Variants in GRHPR observed in about 807,000 individuals in gnomAD.
GRHPR encodes the protein glyoxylate reductase/hydroxypyruvate reductase.
Under a neutral mutation model 36.8 loss-of-function variants are expected in GRHPR, and 35 were observed. The observed-to-expected ratio is 0.95, with a 90% CI of 0.73 to 1.26. The LOEUF (loss-of-function observed/expected upper bound fraction) is 1.26. GRHPR is among the 50% of genes most tolerant of loss of function. GRHPR has a pLI of 0.00. For missense variants in GRHPR, 380 were observed against 435.0 expected (o/e 0.87, Z 1.12); for synonymous variants, 179 against 181.0 (o/e 0.99, Z 0.09).
chr9:37,429,591 G>A (rs762020683), intron 5 of GRHPR, 141 bp from the exon 6 acceptor site: 33 of 748,934 alleles, frequency 4.4e-5, no homozygotes, highest in Non-Finnish European at 7.1e-5. Context: ...CCCCCCACCC[G>A]CTTTGGAGGA....
rs1564295544 is a variant in GRHPR at position 37,423,499 on chromosome 9, G to A, written c.83+666G>A. Among the ~76,000 whole-genome samples, 2 of 147,070 alleles carry A rather than the reference G, an allele frequency of 1.4e-5. 1 individual carries two copies. The highest frequency in any genetic ancestry group is 3.0e-5 in the Non-Finnish European group (2 of 66,490). On this transcript the variant is annotated intron_variant, in intron 1 of 8. Coordinates refer to ENST00000318158, the MANE Select transcript of GRHPR (RefSeq NM_012203.2). The stretch of plus-strand genomic sequence containing the variant: ...GAGGACCCTTTAATTTTTAAGACAG[G>A]GTCTCACTCTCATCCAGGCTGGAGT...
intron 7 of GRHPR, chr9:37,431,292 A>G (rs995033384): frequency 3.0e-6 from 1 of 332,444 alleles, no homozygotes; most frequent in Non-Finnish European, 6.0e-6. Context: ...AATTACCAAC[A>G]TTTAGCTACA....
chr9:37,422,946 G>C, intron 1 of GRHPR, 113 bp downstream of exon 1: 1 of 757,098 alleles, frequency 1.3e-6, no homozygotes, highest in South Asian at 1.7e-5. Flanking sequence ...GTTTTGGGGA[G>C]TCTCGGAGAA....
chr9:37,436,899 A>G lies in GRHPR; in HGVS notation c.*117A>G. 1.8e-6 allele frequency: 2 copies of G among 1,132,228 alleles called. No homozygotes were observed. Among genetic ancestry groups the G allele is most frequent in the Admixed American group, 1.7e-5 (1 of 58,930 alleles). 70.1% of individuals were successfully genotyped at this position (1,132,228 alleles called of 1,614,324 possible). On this transcript the variant is annotated 3_prime_UTR_variant, in exon 9 of 9. Coordinates refer to ENST00000318158, the MANE Select transcript of GRHPR (RefSeq NM_012203.2). ...AGGGAAGGTGTGATTCTCTGAGGAA[A>G]GAGTGATTCTGATATATGTACTTGT...
chr9:37,428,075 C>T (rs1206687079), intron 4 of GRHPR: 1 of 328,080 alleles, frequency 3.0e-6, no homozygotes, highest in Non-Finnish European at 5.9e-6. Context: ...TTGCCCAGGG[C>T]AGCAGGGTGG....
At chr9:37,436,635 C>CCTCT (rs34302950) in intron 8 of GRHPR, 26 bp from the exon 9 acceptor site, 306 of 1,524,560 alleles carry the variant, frequency 2.0e-4, no homozygotes, top group Middle Eastern at 3.4e-4. Context: ...TTCTTATCTC[C>CCTCT]CTCTCTCTCT....
Position 37,436,981 on chromosome 9 carries a change from TTC to T in GRHPR, c.*203_*204del, listed in dbSNP as rs1823700920. The T allele has an allele frequency of 1.2e-5, 7 of 575,630 alleles. 1 individual carries two copies. The East Asian group carries it at 2.0e-4, about 16-fold the overall frequency. The allele number at this position is 575,630 out of a possible 1,614,324, so 35.7% of individuals were successfully genotyped here. A position where few individuals can be genotyped will look rare whatever the true frequency, so the allele number is the denominator to read the frequency against. On this transcript the variant is annotated 3_prime_UTR_variant, in exon 9 of 9. Coordinates refer to ENST00000318158, the MANE Select transcript of GRHPR (RefSeq NM_012203.2). ...GTATGGTAATTCTATTATTAAATAA[TTC>T]TCTGAGAGACCGTCTTGGCCTGTAA...
chr9:37,427,761 C>T (rs553280573), intron 4 of GRHPR: 1 of 152,468 alleles, frequency 6.6e-6, no homozygotes, highest in African/African-American at 2.4e-5. Context: ...TTGCTTGAAC[C>T]CAGGAGGCAG....
chr9:37,431,300 A>G (rs893461547), intron 7 of GRHPR: 2 of 332,844 alleles, frequency 6.0e-6, no homozygotes, highest in Non-Finnish European at 1.2e-5. Flanking sequence ...ACATTTAGCT[A>G]CAAAACAGGT....
chr9:37,429,872 G>A, intron 6 of GRHPR, 36 bp downstream of exon 6: 1 of 1,222,048 alleles, frequency 8.2e-7, no homozygotes, highest in South Asian at 1.2e-5. Flanking sequence ...GAGCCTATCT[G>A]TGCCCAGTTG....
At position 37,436,955 on chromosome 9, in the gene GRHPR, A is replaced by C. The variant is rs1223027671; in HGVS notation, c.*173A>C. On this transcript the variant is annotated 3_prime_UTR_variant, in exon 9 of 9. Coordinates refer to ENST00000318158, the MANE Select transcript of GRHPR (RefSeq NM_012203.2). ...TGGTGTTGGACACATTTGCGCCAAA[A>C]GTATGGTAATTCTATTATTAAATAA... 2.9e-6 allele frequency: 2 copies of C among 683,248 alleles called. No homozygotes were observed. Among genetic ancestry groups the C allele is most frequent in the Non-Finnish European group, 5.1e-6 (2 of 388,388 alleles). The allele number at this position is 683,248 out of a possible 1,614,324, so 42.3% of individuals were successfully genotyped here.
chr9:37,427,009 G>A (rs1823115867), intron 4 of GRHPR, among the ~76,000 whole-genome samples: 1 of 152,078 alleles, frequency 6.6e-6, no homozygotes, highest in African/African-American at 2.4e-5. Context: ...GCTCAGCACT[G>A]GATCCTGATC....
intron 2 of GRHPR, among the ~76,000 whole-genome samples, chr9:37,425,196 G>A (rs1823024547): frequency 6.6e-6 from 1 of 152,210 alleles, no homozygotes; most frequent in African/African-American, 2.4e-5. Context: ...CAAAGACCGC[G>A]GTGTGGAGAC....
chr9:37,434,413 C>A, intron 8 of GRHPR: 1 of 527,432 alleles, frequency 1.9e-6, no homozygotes, highest in South Asian at 3.7e-5. Context: ...TGGAGAATGT[C>A]AAGGGGTCAG....
rs777978915 is a variant in GRHPR at position 37,429,805 on chromosome 9, T to C, written c.567T>C (p.Pro189=). Residue 189 remains proline, a synonymous_variant, in exon 6 of 9, where the codon CCT becomes CCC. Transcript: ENST00000318158. ...TGTACACAGGGCGCCAGCCCAGGCC[T>C]GAGGAAGCAGCAGAATTCCAGGCAG... The part of the protein sequence containing the change: ...RFLYTGRQPR[P]EEAAEFQAEF... 1 of 1,610,700 alleles carries C rather than the reference T, an allele frequency of 6.2e-7. No individual in the cohort carries two copies. The highest frequency in any genetic ancestry group is 2.2e-5 in the East Asian group (1 of 44,876).
intron 1 of GRHPR, 102 bp from the exon 2 acceptor site, chr9:37,424,743 C>A: frequency 7.2e-7 from 1 of 1,396,446 alleles, no homozygotes. Context: ...CAGCCCCGGG[C>A]AGCCTGAGGC....
At chr9:37,431,673 C>T in intron 7 of GRHPR, 1 of 336,034 alleles carries the variant, frequency 3.0e-6, no homozygotes, top group Non-Finnish European at 5.8e-6. Context: ...CCTGTTCATG[C>T]AGTAGAGCAT....
intron 7 of GRHPR, chr9:37,431,070 CG>C: frequency 2.1e-6 from 1 of 471,454 alleles, no homozygotes; most frequent in South Asian, 1.6e-5. Context: ...TGCTCCTGGG[CG>C]GACAGACCCT....
At chr9:37,437,560 G>A (rs1051468611), downstream of GRHPR, among the ~76,000 whole-genome samples, 6 of 152,202 alleles carry the variant, frequency 3.9e-5, no homozygotes, top group Non-Finnish European at 5.9e-5. Context: ...AGGTAAGGAC[G>A]TAACTCTTAT....
Sources: gnomAD v4.1 joint callset for allele counts (sites outside exome capture counted in the v4.1 genomes callset) on GRCh38, gnomAD v4.1.1 for gene constraint, MANE v1.5 for transcripts, NCBI Gene and HGNC (gene_info 2026-07-23, HGNC 2026-07-21) for gene names.